Variants in TOR1AIP2 observed in about 807,000 individuals in gnomAD.
TOR1AIP2 encodes the protein torsin-1A-interacting protein 2.
TOR1AIP2 carries 20 observed loss-of-function variants against 32.6 expected under a neutral mutation model. The ratio of observed to expected loss-of-function variants is 0.61; its 90% CI spans 0.43 to 0.89. The LOEUF (loss-of-function observed/expected upper bound fraction) is 0.89, where lower values mean the gene tolerates loss of function less well. TOR1AIP2 is among the 40% of genes least tolerant of loss of function. TOR1AIP2 has a pLI of 0.00. For synonymous variants in TOR1AIP2, 214 were observed against 210.8 expected (o/e 1.02, Z -0.13); for missense variants, 456 against 553.8 (o/e 0.82, Z 1.77).
At position 179,841,771 on chromosome 1, in the gene TOR1AIP2, T is replaced by A. The variant is rs1695724013; in HGVS notation, c.*4300A>T. 1 of 152,246 alleles carries A rather than the reference T, an allele frequency of 6.6e-6. No homozygotes were observed. The highest frequency in any genetic ancestry group is 6.5e-5 in the Admixed American group (1 of 15,286). The allele number at this position is 152,246 out of a possible 1,614,324, so 9.4% of individuals were successfully genotyped here. On this transcript the variant is annotated 3_prime_UTR_variant, in exon 7 of 7. Transcript: ENST00000609928. The stretch of plus-strand genomic sequence containing the variant: ...GAGACCTGCCTATGTCGCATAAAGT[T>A]TGGTCAGATATATGCAAATGCAGTG...
rs531258508 is a variant in TOR1AIP2 at position 179,866,737 on chromosome 1, G to A, written c.-565-883C>T. 2.5e-4 allele frequency among the ~76,000 whole-genome samples: 38 copies of A among 152,274 alleles called. No individual in the cohort carries two copies. In the South Asian group the frequency reaches 5.8e-3, roughly 23 times the overall value. ...ACCTAGTTTTATTGGTTTATACACC[G>A]TGTCATTCTGAGAAGGCAAGTAAGG... is the stretch of plus-strand genomic sequence containing the variant. On this transcript the variant is annotated intron_variant, in intron 2 of 6. Transcript: ENST00000609928.
intron 2 of TOR1AIP2, among the ~76,000 whole-genome samples, chr1:179,866,972 A>G (rs933320769): frequency 2.6e-5 from 4 of 152,114 alleles, no homozygotes; most frequent in African/African-American, 9.7e-5. Context: ...GCCTTTCTCC[A>G]ATGTTCTTTT....
intron 3 of TOR1AIP2, chr1:179,859,168 C>T: frequency 1.0e-6 from 1 of 985,302 alleles, no homozygotes; most frequent in Admixed American, 6.1e-5. Flanking sequence ...AAACGAGTAA[C>T]AAATAAAGCA....
intron 2 of TOR1AIP2, chr1:179,867,624 C>T (rs1403007354): frequency 2.6e-5 from 4 of 152,184 alleles, no homozygotes; most frequent in African/African-American, 9.7e-5. Context: ...CAGCAAGATA[C>T]TATTTCACAT....
intron 3 of TOR1AIP2, chr1:179,859,414 G>A: frequency 2.0e-6 from 2 of 985,300 alleles, no homozygotes; most frequent in Non-Finnish European, 2.4e-6. Context: ...CTAGCTGTGG[G>A]ACCTAACCAT....
chr1:179,867,330 G>T (rs1696823113), intron 2 of TOR1AIP2, among the ~76,000 whole-genome samples: 1 of 152,148 alleles, frequency 6.6e-6, no homozygotes, highest in Non-Finnish European at 1.5e-5. Flanking sequence ...AGGCAGAGTG[G>T]ACAAAAGGCT....
At chr1:179,856,301 G>C (rs1696299425) in intron 3 of TOR1AIP2, among the ~76,000 whole-genome samples, 1 of 152,172 alleles carries the variant, frequency 6.6e-6, no homozygotes, top group African/African-American at 2.4e-5. Context: ...CAAACAAACA[G>C]AACTGAAGGT....
Position 179,840,499 on chromosome 1 carries a change from T to A in TOR1AIP2, c.*5572A>T, listed in dbSNP as rs981647722. 3.3e-5 allele frequency: 5 copies of A among 152,122 alleles called. No individual in the cohort carries two copies. The highest frequency in any genetic ancestry group is 4.8e-5 in the African/African-American group (2 of 41,400). 9.4% of individuals were successfully genotyped at this position (152,122 alleles called of 1,614,324 possible). On this transcript the variant is annotated 3_prime_UTR_variant, in exon 7 of 7. Transcript: ENST00000609928. Reference sequence around the variant, plus strand: ...ACCAATTTATGGGCTTTTCAAGACATCACAGCAAGCGGGCACAGATAATGC... The same window carrying A: ...ACCAATTTATGGGCTTTTCAAGACAACACAGCAAGCGGGCACAGATAATGC...
In TOR1AIP2 at chr1:179,865,481, A is replaced by G; in HGVS notation, c.-192T>C. The stretch of plus-strand genomic sequence containing the variant: ...TAGCTCCTTCAAATCCCAGCTTCTC[A>G]AGAAGAGATAGGGCTCTAGTCTAAA... On this transcript the variant is annotated 5_prime_UTR_variant, in exon 3 of 7. Coordinates refer to ENST00000609928, the MANE Select transcript of TOR1AIP2 (RefSeq NM_001199260.2). 3.2e-6 allele frequency: 1 copy of G among 311,110 alleles called. No homozygotes were observed. The highest frequency in any genetic ancestry group is 5.9e-6 in the Non-Finnish European group (1 of 170,668). The allele number at this position is 311,110 out of a possible 1,614,324, so 19.3% of individuals were successfully genotyped here.
intron 3 of TOR1AIP2, chr1:179,859,302 C>G: frequency 1.2e-6 from 1 of 829,828 alleles, no homozygotes; most frequent in Non-Finnish European, 1.5e-6. Flanking sequence ...TATTAATATT[C>G]CTACTATTTT....
At chr1:179,875,440 C>T (rs1168646436) in intron 2 of TOR1AIP2, 1 of 152,080 alleles carries the variant, frequency 6.6e-6, no homozygotes, top group Non-Finnish European at 1.5e-5. Flanking sequence ...CCTCAAAAAC[C>T]GTAAATAATT....
At chr1:179,873,951 G>A (rs1424045049) in intron 2 of TOR1AIP2, 7 of 152,066 alleles carry the variant, frequency 4.6e-5, no homozygotes, top group Non-Finnish European at 7.4e-5. Context: ...GATTTTTCAG[G>A]CTCATCTTGT....
intron 4 of TOR1AIP2, among the ~76,000 whole-genome samples, 160 bp downstream of exon 4, chr1:179,852,472 T>C (rs1696153785): frequency 6.6e-6 from 1 of 152,180 alleles, no homozygotes; most frequent in African/African-American, 2.4e-5. Flanking sequence ...ATAGTAAAAT[T>C]CAGTAAATTT....
intron 3 of TOR1AIP2, chr1:179,861,735 G>A: frequency 1.0e-6 from 1 of 985,402 alleles, no homozygotes; most frequent in Non-Finnish European, 1.2e-6. Context: ...AGTACTATGA[G>A]TATTCTGCTC....
intron 3 of TOR1AIP2, chr1:179,861,108 T>C (rs1696513759): frequency 1.0e-6 from 1 of 985,458 alleles, no homozygotes; most frequent in Non-Finnish European, 1.2e-6. Context: ...GGAGTAGTTA[T>C]AATGGTCATT....
intron 2 of TOR1AIP2, chr1:179,874,760 C>T (rs1697131171): frequency 6.6e-6 from 1 of 152,144 alleles, no homozygotes; most frequent in Non-Finnish European, 1.5e-5. Flanking sequence ...GAGATCCTAT[C>T]TCAAAAAAGA....
intron 3 of TOR1AIP2, chr1:179,861,853 T>C: frequency 3.1e-6 from 3 of 956,032 alleles, no homozygotes; most frequent in Middle Eastern, 5.4e-4. Context: ...GTACTATTTA[T>C]ATCTTTTATG....
At chr1:179,862,532 T>A (rs1696583679) in intron 3 of TOR1AIP2, 1 of 985,276 alleles carries the variant, frequency 1.0e-6, no homozygotes, top group African/African-American at 1.7e-5. Context: ...ATCTCTGGGG[T>A]ACATTCTTCA....
chr1:179,870,685 T>G (rs1056213010), intron 2 of TOR1AIP2, among the ~76,000 whole-genome samples: 1 of 152,156 alleles, frequency 6.6e-6, no homozygotes, highest in African/African-American at 2.4e-5. Flanking sequence ...AAAAAACTAA[T>G]GCTACTAGCC....
Sources: allele counts gnomAD v4.1 joint callset (sites outside exome capture counted in the v4.1 genomes callset), GRCh38; gene constraint gnomAD v4.1.1; transcripts MANE v1.5; gene names NCBI Gene and HGNC (gene_info 2026-07-23, HGNC 2026-07-21).